CACNA1H: variants seen among roughly 807,000 people sequenced by gnomAD.
The protein encoded by CACNA1H is calcium voltage-gated channel subunit alpha1 H.
A neutral mutation model predicts 192.5 loss-of-function variants in CACNA1H; 149 were observed. The observed-to-expected ratio is 0.77, with a 90% CI of 0.68 to 0.89. The LOEUF (loss-of-function observed/expected upper bound fraction) is 0.89. Among genes scored for constraint, CACNA1H ranks in the 40% least tolerant of loss-of-function variants. The pLI is 0.00. For synonymous variants in CACNA1H, 2,202 were observed against 1,475.2 expected (o/e 1.49, Z -11.29); for missense variants, 4,257 against 3,423.5 (o/e 1.24, Z -6.08).
chr16:1,183,467 G>C (rs1047833116), intron 2 of CACNA1H, among the ~76,000 whole-genome samples: 2 of 152,184 alleles, frequency 1.3e-5, no homozygotes, highest in Non-Finnish European at 2.9e-5. Flanking sequence ...GCGGCCTCCG[G>C]GGAAGGAAGA....
chr16:1,199,969 C>G (rs183269120), intron 6 of CACNA1H, among the ~76,000 whole-genome samples: 117 of 149,686 alleles, frequency 7.8e-4, no homozygotes, highest in Non-Finnish European at 1.5e-3. Context: ...CATCCCTGTT[C>G]TTTGTGTGTT....
chr16:1,163,067 C>T (rs950499379), intron 2 of CACNA1H, among the ~76,000 whole-genome samples: 1 of 152,246 alleles, frequency 6.6e-6, no homozygotes, highest in Non-Finnish European at 1.5e-5. Context: ...CTGTGTGTCC[C>T]TCACTCGTCA....
rs140745132 is a variant in CACNA1H at position 1,208,100 on chromosome 16, C to A, written c.3242C>A (p.Ala1081Asp). ...TCCCCTCCCCTCATCATGTGCACAG[C>A]TGCCACGCCCATGCCTACCCCCAAG... is the stretch of plus-strand genomic sequence containing the variant. ...SLSPPLIMCT[A>D]ATPMPTPKSS... Residue 1081 changes from alanine to aspartate, a missense_variant, in exon 16 of 35, where the codon GCT (alanine) becomes GAT (aspartate). By Grantham distance (126) the Ala-to-Asp change is moderately radical. Coordinates refer to ENST00000348261, the MANE Select transcript of CACNA1H (RefSeq NM_021098.3). 1 of 1,596,362 alleles carries A rather than the reference C, an allele frequency of 6.3e-7. No homozygotes were observed. The highest frequency in any genetic ancestry group is 8.5e-7 in the Non-Finnish European group (1 of 1,172,772).
chr16:1,192,289 G>A (rs1229575948), intron 2 of CACNA1H, among the ~76,000 whole-genome samples: 1 of 152,230 alleles, frequency 6.6e-6, no homozygotes, highest in Non-Finnish European at 1.5e-5. Context: ...CCCTGGCCTG[G>A]GGACCCCTAG....
chr16:1,211,668 G>A (rs765204865), intron 23 of CACNA1H, 48 bp from the exon 24 acceptor site: 6 of 1,610,338 alleles, frequency 3.7e-6, no homozygotes, highest in African/African-American at 1.3e-5. Context: ...GAGAGGGCCG[G>A]CGACCCCAGC....
At position 1,209,017 on chromosome 16, in the gene CACNA1H, C is replaced by A; in HGVS notation, c.3364-15C>A. The A allele has an allele frequency of 6.7e-7, 1 of 1,482,402 alleles. No individual in the cohort carries two copies. The highest frequency in any genetic ancestry group is 8.9e-7 in the Non-Finnish European group (1 of 1,124,952). The allele number at this position is 1,482,402 out of a possible 1,614,324, so 91.8% of individuals were successfully genotyped here. Reference sequence around the variant, plus strand: ...TAGTGATGCCACCAGGTCACTGACTCCCGCCACCCCCCAGGCCAGCCTCCG... The same window carrying A: ...TAGTGATGCCACCAGGTCACTGACTACCGCCACCCCCCAGGCCAGCCTCCG... On this transcript the variant is annotated splice_polypyrimidine_tract_variant and intron_variant, in intron 16 of 34. Coordinates refer to ENST00000348261, the MANE Select transcript of CACNA1H (RefSeq NM_021098.3).
At chr16:1,156,930 T>C (rs1239894606) in intron 2 of CACNA1H, 1 of 152,228 alleles carries the variant, frequency 6.6e-6, no homozygotes, top group African/African-American at 2.4e-5. Context: ...GACGCCCTTA[T>C]CCTTATTGAT....
At chr16:1,190,461 C>T (rs995894376) in intron 2 of CACNA1H, among the ~76,000 whole-genome samples, 1 of 152,220 alleles carries the variant, frequency 6.6e-6, no homozygotes, top group African/African-American at 2.4e-5. Context: ...CCCTGCTGGC[C>T]TGTGCGGGAT....
Position 1,208,120 on chromosome 16 carries a change from C to G in CACNA1H, c.3262C>G (p.Pro1088Ala), listed in dbSNP as rs1358707581. 1.9e-6 allele frequency: 3 copies of G among 1,593,842 alleles called. No homozygotes were observed. The Admixed American group carries it at 5.2e-5, about 28-fold the overall frequency. ...CACAGCTGCCACGCCCATGCCTACC[C>G]CCAAGAGCTCACCATTCCTGGATGC... ...MCTAATPMPTPKSSPFLDAAP... is the reference protein window; with the variant it reads ...MCTAATPMPTAKSSPFLDAAP... The change falls in exon 16 of 35, where the codon CCC becomes GCC. Residue 1088 changes from proline (P) to alanine (A), a missense_variant. Transcript: ENST00000348261.
rs1968686794 is a variant in CACNA1H, at chr16:1,206,231, A to G, written c.2731A>G (p.Thr911Ala). 1 of 1,591,312 alleles carries G rather than the reference A, an allele frequency of 6.3e-7. No homozygotes were observed. The highest frequency in any genetic ancestry group is 1.7e-5 in the Admixed American group (1 of 57,412). ...GCGCCAGCTCGTGGTGCTGGTGAAG[A>G]CCATGGACAACGTGGCTACCTTCTG... ...LRRQLVVLVKTMDNVATFCTL... is the reference protein window; with the variant it reads ...LRRQLVVLVKAMDNVATFCTL... Residue 911 changes from threonine to alanine, a missense_variant, in exon 12 of 35, where the codon ACC becomes GCC. By Grantham distance (58) the Thr-to-Ala change is moderately conservative. Transcript: ENST00000348261.
Position 1,209,210 on chromosome 16 carries a change from A to T in CACNA1H, c.3542A>T (p.Asp1181Val), listed in dbSNP as rs1969126206. 1 of 1,548,836 alleles carries T rather than the reference A, an allele frequency of 6.5e-7. No individual in the cohort carries two copies. The highest frequency in any genetic ancestry group is 1.4e-5 in the African/African-American group (1 of 72,692). ...GKGSTDDEAE[D>V]GRAAPGPRAT... Reference sequence around the variant, plus strand: ...GGCAGCACCGACGACGAAGCTGAGGACGGCAGGGCCGCGCCCGGGCCCCGT... The same window carrying T: ...GGCAGCACCGACGACGAAGCTGAGGTCGGCAGGGCCGCGCCCGGGCCCCGT... The change falls in exon 17 of 35, where the codon GAC becomes GTC. Residue 1181 changes from aspartate to valine, a missense_variant. Physicochemically the swap from Asp to Val is radical, Grantham distance 152. Coordinates refer to ENST00000348261, the MANE Select transcript of CACNA1H (RefSeq NM_021098.3).
intron 13 of CACNA1H, 26 bp from the exon 14 acceptor site, chr16:1,207,249 A>G (rs764877996): frequency 2.8e-5 from 44 of 1,580,798 alleles, no homozygotes; most frequent in Non-Finnish European, 3.4e-5. Flanking sequence ...TGGGGTGACC[A>G]CCCCAGGCCC....
In CACNA1H at chr16:1,205,250, T is replaced by A. The variant is rs552056278; in HGVS notation, c.2588T>A (p.Ile863Asn). 1 of 1,607,156 alleles carries A rather than the reference T, an allele frequency of 6.2e-7. No individual in the cohort carries two copies. Among genetic ancestry groups the A allele is most frequent in the Non-Finnish European group, 8.5e-7 (1 of 1,175,084 alleles). Residue 863 changes from isoleucine to asparagine, a missense_variant, in exon 11 of 35, where the codon ATC becomes AAC. By Grantham distance (149) the Ile-to-Asn change is moderately radical. Coordinates refer to ENST00000348261, the MANE Select transcript of CACNA1H (RefSeq NM_021098.3). Reference sequence around the variant, plus strand: ...AACCCGTACAACATCTTCGACGGCATCATCGTGGTCATCAGGTGGGTCCCC... The same window carrying A: ...AACCCGTACAACATCTTCGACGGCAACATCGTGGTCATCAGGTGGGTCCCC... ...IRNPYNIFDG[I>N]IVVISVWEIV...
chr16:1,205,099 C>T lies in CACNA1H; in HGVS notation c.2452-15C>T, dbSNP rs769067067. On this transcript the variant is annotated splice_polypyrimidine_tract_variant and intron_variant, in intron 10 of 34. Transcript: ENST00000348261. The stretch of plus-strand genomic sequence containing the variant: ...CGGGTGCGGCCTCCTGAACTGTCCC[C>T]ACCTCTGCCTGCAGCCCGAGGAGCT... The T allele has an allele frequency of 9.6e-5, 154 of 1,607,042 alleles. No individual in the cohort carries two copies. The highest frequency in any genetic ancestry group is 1.3e-4 in the Non-Finnish European group (149 of 1,178,240).
At chr16:1,195,313 G>A in intron 3 of CACNA1H, 119 bp from the exon 4 acceptor site, 1 of 1,358,908 alleles carries the variant, frequency 7.4e-7, no homozygotes, top group Non-Finnish European at 1.0e-6. Flanking sequence ...CTCAGGGCGG[G>A]GCAGGGGCGG....
At chr16:1,160,996 G>A (rs1963127746) in intron 2 of CACNA1H, among the ~76,000 whole-genome samples, 1 of 152,152 alleles carries the variant, frequency 6.6e-6, no homozygotes, top group South Asian at 2.1e-4. Flanking sequence ...GGCAGGGAGA[G>A]GATCCGGAGG....
At chr16:1,191,944 C>T (rs1966661255) in intron 2 of CACNA1H, among the ~76,000 whole-genome samples, 2 of 152,276 alleles carry the variant, frequency 1.3e-5, no homozygotes, top group South Asian at 4.1e-4. Flanking sequence ...ACCTGTGCAG[C>T]ACCGCAGGTC....
intron 2 of CACNA1H, among the ~76,000 whole-genome samples, chr16:1,184,807 A>G (rs1398616624): frequency 6.6e-6 from 1 of 152,258 alleles, no homozygotes; most frequent in Non-Finnish European, 1.5e-5. Flanking sequence ...GCGGGGCTCC[A>G]GCGAAGGGAA....
chr16:1,191,031 G>GTC (rs562220261), intron 2 of CACNA1H, among the ~76,000 whole-genome samples: 37 of 142,738 alleles, frequency 2.6e-4, no homozygotes, highest in Middle Eastern at 3.9e-3. Flanking sequence ...CACACTCGGG[G>GTC]TCTCTGACCC....
Sources: gnomAD v4.1 joint callset for allele counts (sites outside exome capture counted in the v4.1 genomes callset) on GRCh38, gnomAD v4.1.1 for gene constraint, MANE v1.5 for transcripts, NCBI Gene and HGNC (gene_info 2026-07-23, HGNC 2026-07-21) for gene names.